Variants in ATF2 observed in about 807,000 individuals in gnomAD.
The protein encoded by ATF2 is activating transcription factor 2, also known as cyclic AMP-dependent transcription factor ATF-2.
In ATF2, 24 loss-of-function variants were observed where a neutral mutation model predicts 60.6. That is an observed-to-expected ratio of 0.40 (90% CI 0.29 to 0.56). The LOEUF (loss-of-function observed/expected upper bound fraction) is 0.56. Ranked by LOEUF, ATF2 falls within the 20% of genes least tolerant of loss-of-function variation. ATF2 has a pLI of 0.54. For synonymous variants in ATF2, 206 were observed against 215.4 expected, an observed-to-expected ratio of 0.96 and a Z score of 0.38; for missense variants, 433 against 607.7, an observed-to-expected ratio of 0.71 and a Z score of 3.02.
chr2:175,086,152 G>C (rs1028436125), intron 12 of ATF2, among the ~76,000 whole-genome samples: 4 of 152,132 alleles, frequency 2.6e-5, no homozygotes, highest in Admixed American at 1.3e-4. Context: ...GATCTAAAAT[G>C]TTTTACAGTA....
intron 10 of ATF2, among the ~76,000 whole-genome samples, chr2:175,101,510 G>A (rs1344961143): frequency 6.6e-6 from 1 of 152,158 alleles, no homozygotes; most frequent in Admixed American, 6.5e-5. Flanking sequence ...TAAATTATGT[G>A]TTTGGAAAAG....
chr2:175,108,228 T>A (rs1336233211), intron 10 of ATF2, among the ~76,000 whole-genome samples: 1 of 150,152 alleles, frequency 6.7e-6, no homozygotes, highest in African/African-American at 2.5e-5. Flanking sequence ...AGCCGCCCCA[T>A]CTGAGAAGTG....
At chr2:175,128,178 G>C (rs1452365027) in intron 4 of ATF2, among the ~76,000 whole-genome samples, 2 of 152,246 alleles carry the variant, frequency 1.3e-5, no homozygotes, top group African/African-American at 2.4e-5. Context: ...AATTATGCTG[G>C]GATATCTAAA....
At chr2:175,111,738 G>T in intron 9 of ATF2, 84 bp from the exon 10 acceptor site, 2 of 1,177,618 alleles carry the variant, frequency 1.7e-6, no homozygotes, top group South Asian at 1.4e-5. Context: ...AATAATTTGA[G>T]ACTTTAAGAA....
intron 3 of ATF2, among the ~76,000 whole-genome samples, chr2:175,134,548 A>G (rs577578148): frequency 2.0e-5 from 3 of 152,148 alleles, no homozygotes; most frequent in African/African-American, 7.2e-5. Flanking sequence ...TTTAAAAAAA[A>G]AAAAAAAAGA....
intron 4 of ATF2, among the ~76,000 whole-genome samples, chr2:175,124,282 G>GAA (rs11292728): frequency 1.1e-4 from 16 of 147,198 alleles, no homozygotes; most frequent in African/African-American, 1.7e-4. Flanking sequence ...TGGAAAAAGT[G>GAA]AAAAAAAAAA....
chr2:175,135,767 T>C (rs1377051882), intron 3 of ATF2, among the ~76,000 whole-genome samples: 3 of 152,316 alleles, frequency 2.0e-5, no homozygotes, highest in Admixed American at 2.0e-4. Flanking sequence ...TAAATTTCGA[T>C]TTAAAAGTTC....
At position 175,073,640 on chromosome 2, in the gene ATF2, C is replaced by T. The variant is rs372950176; in HGVS notation, c.*969G>A. On this transcript the variant is annotated 3_prime_UTR_variant, in exon 14 of 14. Coordinates refer to ENST00000264110, the MANE Select transcript of ATF2 (RefSeq NM_001880.4). Reference sequence around the variant, plus strand: ...TTCACAAGAATAGTACAAGTTAGCTCGCAAGTACAAGACAATGGGGGTAAA... The same window carrying T: ...TTCACAAGAATAGTACAAGTTAGCTTGCAAGTACAAGACAATGGGGGTAAA... 3 of 151,942 alleles carry T rather than the reference C, an allele frequency of 2.0e-5. No individual in the cohort carries two copies. Among genetic ancestry groups the T allele is most frequent in the Non-Finnish European group, 4.4e-5 (3 of 67,990 alleles). 9.4% of individuals were successfully genotyped at this position (151,942 alleles called of 1,614,324 possible). A position where few individuals can be genotyped will look rare whatever the true frequency, so the allele number is the denominator to read the frequency against.
At chr2:175,116,060 G>A (rs1254359309) in intron 7 of ATF2, among the ~76,000 whole-genome samples, 4 of 152,098 alleles carry the variant, frequency 2.6e-5, no homozygotes, top group Non-Finnish European at 4.4e-5. Context: ...TAGATGCGTA[G>A]ACAGGCCCAG....
chr2:175,133,200 G>T (rs1027605471), intron 3 of ATF2, among the ~76,000 whole-genome samples: 1 of 152,106 alleles, frequency 6.6e-6, no homozygotes, highest in Non-Finnish European at 1.5e-5. Context: ...AGGCAGTCAT[G>T]AAGAATTGTA....
At position 175,132,285 on chromosome 2, in the gene ATF2, A is replaced by G. The variant is rs1037713646; in HGVS notation, c.33-2078T>C. Among the ~76,000 whole-genome samples the G allele has an allele frequency of 2.6e-5, 4 of 152,322 alleles. No homozygotes were observed. The East Asian group carries it at 7.7e-4, about 29-fold the overall frequency. ...GTGCAGATGCTAGTCTTAAAAATACACGTAAATCTCAGGGAGAAAGCAGAT... is the reference window on the plus strand; with the variant it reads ...GTGCAGATGCTAGTCTTAAAAATACGCGTAAATCTCAGGGAGAAAGCAGAT... On this transcript the variant is annotated intron_variant, in intron 3 of 13. Coordinates refer to ENST00000264110, the MANE Select transcript of ATF2 (RefSeq NM_001880.4).
At chr2:175,085,138 A>G (rs925033915) in intron 12 of ATF2, among the ~76,000 whole-genome samples, 3 of 152,138 alleles carry the variant, frequency 2.0e-5, no homozygotes, top group African/African-American at 7.2e-5. Flanking sequence ...TCTCTGAAAC[A>G]CTCTATACAT....
At chr2:175,163,910 C>A (rs1700176028) in intron 1 of ATF2, among the ~76,000 whole-genome samples, 2 of 2,652 alleles carry the variant, frequency 7.5e-4, no homozygotes, top group Non-Finnish European at 8.7e-4. Context: ...GACATAGCAA[C>A]TCCGTCTCAA....
At chr2:175,153,304 T>C (rs998135074) in intron 1 of ATF2, among the ~76,000 whole-genome samples, 1 of 152,196 alleles carries the variant, frequency 6.6e-6, no homozygotes, top group African/African-American at 2.4e-5. Context: ...TACATAATCA[T>C]GCATCACTTA....
At chr2:175,136,757 G>A (rs1302923909) in intron 2 of ATF2, among the ~76,000 whole-genome samples, 1 of 152,128 alleles carries the variant, frequency 6.6e-6, no homozygotes, top group African/African-American at 2.4e-5. Context: ...TGATTGAAGG[G>A]CAGCCATTAA....
chr2:175,166,156 C>G (rs75788086), intron 1 of ATF2, among the ~76,000 whole-genome samples: 1 of 151,802 alleles, frequency 6.6e-6, no homozygotes, highest in African/African-American at 2.4e-5. Flanking sequence ...ACTACACATA[C>G]AAAAAAAAGT....
intron 1 of ATF2, 186 bp downstream of exon 1, chr2:175,167,864 G>C: frequency 5.1e-6 from 2 of 395,700 alleles, no homozygotes; most frequent in Non-Finnish European, 1.1e-5. Context: ...AGCCCACACC[G>C]CGCGGGCCGC....
At chr2:175,134,258 G>C (rs972360266) in intron 3 of ATF2, among the ~76,000 whole-genome samples, 1 of 152,050 alleles carries the variant, frequency 6.6e-6, no homozygotes, top group Non-Finnish European at 1.5e-5. Context: ...TAAAGTATAC[G>C]GGAGGATGTG....
chr2:175,077,575 T>C (rs760821837), intron 13 of ATF2, among the ~76,000 whole-genome samples: 2 of 152,162 alleles, frequency 1.3e-5, no homozygotes, highest in Admixed American at 6.5e-5. Context: ...CTTTTAAAAA[T>C]AAAGAGGCTG....
Sources: gnomAD v4.1 joint callset for allele counts (sites outside exome capture counted in the v4.1 genomes callset) on GRCh38, gnomAD v4.1.1 for gene constraint, MANE v1.5 for transcripts, NCBI Gene and HGNC (gene_info 2026-07-23, HGNC 2026-07-21) for gene names.